The following EVL variants were observed in gnomAD, a reference collection of about 807,000 sequenced individuals.
EVL encodes the protein Enah/Vasp-like.
Under a neutral mutation model 59.6 loss-of-function variants are expected in EVL, and 21 were observed. The observed-to-expected ratio is 0.35, with a 90% confidence interval of 0.25 to 0.51. EVL has a LOEUF of 0.51. Ranked by LOEUF, EVL falls within the 20% of genes least tolerant of loss-of-function variation. EVL has a pLI of 0.97. For synonymous variants in EVL, 198 were observed against 203.5 expected, an observed-to-expected ratio of 0.97 and a Z score of 0.23; for missense variants, 462 against 546.6, an observed-to-expected ratio of 0.85 and a Z score of 1.54.
chr14:100,004,205 A>G (rs922533268), intron 1 of EVL, among the ~76,000 whole-genome samples: 1 of 152,230 alleles, frequency 6.6e-6, no homozygotes, highest in Admixed American at 6.5e-5. Flanking sequence ...CTGTGTCTCA[A>G]AATCAACCAA....
Position 100,143,863 on chromosome 14 carries a change from AC to A in EVL, c.*126del. Reference sequence around the variant, plus strand: ...AGGAGCCTGGGCGCGCTGCTGTGAAACGTCCTGACCTGTGATCACACATGAC... The same window carrying A: ...AGGAGCCTGGGCGCGCTGCTGTGAAAGTCCTGACCTGTGATCACACATGAC... On this transcript the variant is annotated 3_prime_UTR_variant, in exon 14 of 14. Transcript: ENST00000392920. The A allele has an allele frequency of 1.7e-6, 2 of 1,179,436 alleles. No homozygotes were observed. Among genetic ancestry groups the A allele is most frequent in the Non-Finnish European group, 2.4e-6 (2 of 829,802 alleles). 73.1% of individuals were successfully genotyped at this position (1,179,436 alleles called of 1,614,324 possible).
chr14:99,993,226 T>C (rs1361223023), intron 1 of EVL, among the ~76,000 whole-genome samples: 1 of 151,470 alleles, frequency 6.6e-6, no homozygotes, highest in Non-Finnish European at 1.5e-5. Context: ...CCTGGCTAAT[T>C]TTTTTTTATT....
At chr14:100,011,385 A>G (rs1205022886) in intron 1 of EVL, among the ~76,000 whole-genome samples, 2 of 152,238 alleles carry the variant, frequency 1.3e-5, no homozygotes, top group African/African-American at 4.8e-5. Context: ...ATTTTTGTCC[A>G]GTAGAAATTA....
intron 1 of EVL, among the ~76,000 whole-genome samples, chr14:99,998,987 T>G (rs1479515645): frequency 6.6e-6 from 1 of 152,006 alleles, no homozygotes; most frequent in East Asian, 1.9e-4. Flanking sequence ...TACTTTTATA[T>G]TTGCTTTTTT....
intron 1 of EVL, among the ~76,000 whole-genome samples, chr14:100,049,473 A>G (rs769645155): frequency 6.6e-6 from 1 of 152,206 alleles, no homozygotes; most frequent in Non-Finnish European, 1.5e-5. Flanking sequence ...CTTGAGAATT[A>G]TCACCCTGGA....
At position 100,126,780 on chromosome 14, in the gene EVL, C is replaced by A. The variant is rs1566720205; in HGVS notation, c.487+9C>A. 6.2e-7 allele frequency: 1 copy of A among 1,613,190 alleles called. No individual in the cohort carries two copies. ...AAGAACCTCGGCCACAGGTGAGAGC[C>A]CTCCTCCCCTAGGGCCGACTCCCAT... is the stretch of plus-strand genomic sequence containing the variant. On this transcript the variant is annotated intron_variant, in intron 5 of 13. Transcript: ENST00000392920.
intron 1 of EVL, among the ~76,000 whole-genome samples, chr14:99,995,924 T>C (rs1456979948): frequency 6.6e-6 from 1 of 152,148 alleles, no homozygotes; most frequent in Non-Finnish European, 1.5e-5. Flanking sequence ...GCCTTGGTAC[T>C]GGAGTTCTCC....
At chr14:100,026,972 A>C (rs1255651240) in intron 1 of EVL, among the ~76,000 whole-genome samples, 1 of 152,212 alleles carries the variant, frequency 6.6e-6, no homozygotes, top group African/African-American at 2.4e-5. Flanking sequence ...GAGGGCAGAC[A>C]GACCAGGGAG....
At chr14:100,080,325 T>C (rs1052329240) in intron 1 of EVL, among the ~76,000 whole-genome samples, 4 of 152,178 alleles carry the variant, frequency 2.6e-5, no homozygotes, top group Admixed American at 2.6e-4. Context: ...ACAGGCTTGG[T>C]GTATGATCTA....
intron 1 of EVL, among the ~76,000 whole-genome samples, chr14:100,016,249 C>T (rs1490091826): frequency 1.3e-5 from 2 of 150,426 alleles, no homozygotes; most frequent in Non-Finnish European, 3.0e-5. Flanking sequence ...AAAAACAAAA[C>T]ACTGGGCGTT....
intron 1 of EVL, among the ~76,000 whole-genome samples, chr14:100,083,131 C>T (rs947141304): frequency 6.6e-6 from 1 of 152,218 alleles, no homozygotes; most frequent in Non-Finnish European, 1.5e-5. Flanking sequence ...TCAGATCCCT[C>T]TGATTTAATA....
intron 3 of EVL, among the ~76,000 whole-genome samples, chr14:100,098,377 G>A (rs116229098): frequency 1.0e-3 from 156 of 152,280 alleles, no homozygotes; most frequent in African/African-American, 3.3e-3. Context: ...GAGTGAGCCC[G>A]TAGTGCTGGG....
At chr14:100,015,589 A>G (rs1227726491) in intron 1 of EVL, among the ~76,000 whole-genome samples, 1 of 152,174 alleles carries the variant, frequency 6.6e-6, no homozygotes, top group Non-Finnish European at 1.5e-5. Context: ...AGCCCCACAG[A>G]TCATTAGCGC....
chr14:100,053,934 A>C (rs1010109721), intron 1 of EVL, among the ~76,000 whole-genome samples: 1 of 152,050 alleles, frequency 6.6e-6, no homozygotes, highest in Non-Finnish European at 1.5e-5. Flanking sequence ...GGCGTGAGCC[A>C]CTGTGCCCAG....
intron 13 of EVL, among the ~76,000 whole-genome samples, chr14:100,142,623 G>A (rs949923690): frequency 7.9e-5 from 12 of 152,224 alleles, no homozygotes; most frequent in Admixed American, 5.9e-4. Flanking sequence ...GATGGCAGAG[G>A]GAAGAGGCAG....
intron 9 of EVL, among the ~76,000 whole-genome samples, chr14:100,136,259 A>C (rs1566729880): frequency 1.3e-5 from 2 of 152,254 alleles, no homozygotes; most frequent in Non-Finnish European, 2.9e-5. Flanking sequence ...GCCTGACGGC[A>C]CATATTCAGG....
chr14:100,132,476 C>T (rs1374430208), intron 7 of EVL, among the ~76,000 whole-genome samples: 1 of 152,150 alleles, frequency 6.6e-6, no homozygotes, highest in Non-Finnish European at 1.5e-5. Context: ...AGAGGCATCT[C>T]GCCCTCTCTG....
At position 100,076,702 on chromosome 14, in the gene EVL, A is replaced by G. The variant is rs1207607685; in HGVS notation, c.12-7985A>G. Among the ~76,000 whole-genome samples the G allele has an allele frequency of 2.0e-5, 3 of 152,316 alleles. No homozygotes were observed. In the East Asian group the frequency reaches 5.8e-4, roughly 29 times the overall value. ...TGAGAAAAGTATCCCAGGCAGAGGA[A>G]GTGGCCTGAGCCACAGCAGAGGCCA... On this transcript the variant is annotated intron_variant, in intron 1 of 13. Coordinates refer to ENST00000392920, the MANE Select transcript of EVL (RefSeq NM_016337.3).
intron 1 of EVL, among the ~76,000 whole-genome samples, chr14:99,981,901 G>A (rs1449619240): frequency 6.6e-6 from 1 of 152,178 alleles, no homozygotes; most frequent in Non-Finnish European, 1.5e-5. Flanking sequence ...CCAATGAAAC[G>A]AGGTCTGTCT....
Sources: allele counts gnomAD v4.1 joint callset (sites outside exome capture counted in the v4.1 genomes callset), GRCh38; gene constraint gnomAD v4.1.1; transcripts MANE v1.5; gene names NCBI Gene and HGNC (gene_info 2026-07-23, HGNC 2026-07-21).